PMPCB: variants seen among roughly 807,000 people sequenced by gnomAD.
PMPCB encodes peptidase, mitochondrial processing subunit beta.
Under a neutral mutation model 61.5 loss-of-function variants are expected in PMPCB, and 46 were observed. The ratio of observed to expected loss-of-function variants is 0.75; its 90% CI spans 0.59 to 0.96. The LOEUF is 0.96. Among genes scored for constraint, PMPCB ranks in the 40% least tolerant of loss-of-function variants. The pLI is 0.00. For synonymous variants in PMPCB, 191 were observed against 201.6 expected (o/e 0.95, Z 0.44); for missense variants, 590 against 602.4 (o/e 0.98, Z 0.22).
chr7:103,337,606 A>G, the PMPCB span: 1 of 718,374 alleles, frequency 1.4e-6, no homozygotes, highest in African/African-American at 1.8e-5. Flanking sequence ...TTTGCTTGTT[A>G]TGACAATATA....
At chr7:103,311,012 G>T (rs750599459) in intron 9 of PMPCB, 1 of 152,224 alleles carries the variant, frequency 6.6e-6, no homozygotes, top group Non-Finnish European at 1.5e-5. Flanking sequence ...TCAGAAGCAG[G>T]TTAATTCAGA....
chr7:103,339,802 T>C, the PMPCB span, among the ~76,000 whole-genome samples: 9 of 152,132 alleles, frequency 5.9e-5, no homozygotes, highest in East Asian at 1.9e-4. Context: ...TGTTATGTGA[T>C]TGACCTCTTT....
the PMPCB span, among the ~76,000 whole-genome samples, chr7:103,340,290 C>T: frequency 6.6e-6 from 1 of 152,210 alleles, no homozygotes; most frequent in Non-Finnish European, 1.5e-5. Context: ...TCCTCCTCTT[C>T]CTACCCCTTA....
chr7:103,322,561 T>A, intron 12 of PMPCB: 1 of 1,588,838 alleles, frequency 6.3e-7, no homozygotes. Context: ...TTTGCTTTCT[T>A]TTCTGCTTCT....
chr7:103,337,867 C>T, the PMPCB span: 1 of 1,271,958 alleles, frequency 7.9e-7, no homozygotes, highest in Non-Finnish European at 1.1e-6. Flanking sequence ...TATATTCCAT[C>T]CCTTGTGTTC....
chr7:103,298,037 C>A, intron 1 of PMPCB: 1 of 707,628 alleles, frequency 1.4e-6, no homozygotes. Flanking sequence ...TGTATAAGGG[C>A]AAAGAAAAAC....
intron 12 of PMPCB, chr7:103,323,504 A>T: frequency 2.4e-6 from 3 of 1,252,058 alleles, no homozygotes; most frequent in Middle Eastern, 2.3e-4. Flanking sequence ...CAAAGAGAAA[A>T]TATGAAAGAA....
chr7:103,323,787 C>CTT, intron 12 of PMPCB: 1 of 720,224 alleles, frequency 1.4e-6, no homozygotes, highest in Non-Finnish European at 2.0e-6. Flanking sequence ...GAACTAAGGT[C>CTT]AAGTCTTTCT....
chr7:103,344,469 A>C, the PMPCB span: 1 of 1,468,882 alleles, frequency 6.8e-7, no homozygotes, highest in Non-Finnish European at 9.5e-7. Flanking sequence ...CGCCAGGGTC[A>C]AGGGTAGAGA....
At chr7:103,320,266 A>G (rs1245942080) in intron 12 of PMPCB, among the ~76,000 whole-genome samples, 1 of 151,352 alleles carries the variant, frequency 6.6e-6, no homozygotes, top group Non-Finnish European at 1.5e-5. Flanking sequence ...TTTTTTCTAT[A>G]TTTAGTAGAG....
intron 2 of PMPCB, among the ~76,000 whole-genome samples, chr7:103,299,179 C>G (rs183762429): frequency 1.3e-5 from 2 of 152,280 alleles, no homozygotes; most frequent in African/African-American, 4.8e-5. Flanking sequence ...GTTCTTGATA[C>G]TACAGTTATT....
At chr7:103,329,097 GT>G (rs1307127014) in exon 13 of PMPCB, 1 of 727,344 alleles carries the variant, frequency 1.4e-6, no homozygotes, top group African/African-American at 1.9e-5. Context: ...CAATTTTTTT[GT>G]TTTTCATCCT....
At chr7:103,337,972 G>A in the PMPCB span, among the ~76,000 whole-genome samples, 1 of 152,300 alleles carries the variant, frequency 6.6e-6, no homozygotes, top group African/African-American at 2.4e-5. Flanking sequence ...GTAAGGTTGA[G>A]AAATGTGGAT....
At position 103,303,870 on chromosome 7, in the gene PMPCB, A is replaced by C. The variant is rs753336053; in HGVS notation, c.486A>C (p.Gln162His). 6.2e-7 allele frequency: 1 copy of C among 1,613,278 alleles called. No homozygotes were observed. The highest frequency in any genetic ancestry group is 8.5e-7 in the Non-Finnish European group (1 of 1,179,376). The change falls in exon 5 of 13, where the codon CAA (glutamine) becomes CAC (histidine). Residue 162 changes from glutamine (Q) to histidine (H), a missense_variant. Transcript: ENST00000249269. Reference protein sequence around the residue: ...RAVEILADIIQNSTLGEAEIE... With the variant: ...RAVEILADIIHNSTLGEAEIE... ...TAGAAATTCTTGCTGATATAATACA[A>C]AACAGCACATTGGGAGAAGCAGAGA...
At chr7:103,317,602 G>A (rs898426940), downstream of PMPCB, among the ~76,000 whole-genome samples, 13 of 152,066 alleles carry the variant, frequency 8.5e-5, no homozygotes, top group African/African-American at 3.1e-4. Flanking sequence ...TGCTAACCTT[G>A]AAAAATTTTT....
In PMPCB at chr7:103,312,472, C is replaced by T; in HGVS notation, c.*201C>T. 1 of 1,549,812 alleles carries T rather than the reference C, an allele frequency of 6.5e-7. No individual in the cohort carries two copies. The highest frequency in any genetic ancestry group is 8.7e-7 in the Non-Finnish European group (1 of 1,154,770). ...CTCTGAGAAATTATGTTGGAAGCAG[C>T]ATACTTTCAAATTATTACCATGAGT... On this transcript the variant is annotated 3_prime_UTR_variant, in exon 13 of 13. Coordinates refer to ENST00000249269, the MANE Select transcript of PMPCB (RefSeq NM_004279.3).
chr7:103,308,984 G>A lies in PMPCB; in HGVS notation c.882G>A (p.Ala294=), dbSNP rs76757936. ...IRVRDDKMPL[A]HLAIAVEAVG... ...TGAGGGATGACAAGATGCCTTTGGC[G>A]CACCTTGCAATAGCTGTTGAAGCTG... Residue 294 remains alanine (A), a synonymous_variant, in exon 8 of 13, where the codon GCG becomes GCA. Transcript: ENST00000249269. 1.3e-5 allele frequency: 21 copies of A among 1,598,294 alleles called. No homozygotes were observed. The highest frequency in any genetic ancestry group is 6.8e-5 in the East Asian group (3 of 43,896).
At chr7:103,319,563 G>A, downstream of PMPCB, 2 of 1,574,344 alleles carry the variant, frequency 1.3e-6, no homozygotes, top group South Asian at 1.1e-5. Flanking sequence ...GGTCAAAGCA[G>A]AATTAAATGC....
chr7:103,316,684 T>C, downstream of PMPCB: 1 of 657,086 alleles, frequency 1.5e-6, no homozygotes, highest in Non-Finnish European at 2.6e-6. Context: ...AGCTTCAAAA[T>C]GCACCTCACT....
Sources: allele counts gnomAD v4.1 joint callset (sites outside exome capture counted in the v4.1 genomes callset), GRCh38; gene constraint gnomAD v4.1.1; transcripts MANE v1.5; gene names NCBI Gene and HGNC (gene_info 2026-07-23, HGNC 2026-07-21).